Variants in LTN1 observed in about 807,000 individuals in gnomAD.
LTN1 encodes E3 ubiquitin-protein ligase listerin.
LTN1 carries 88 observed loss-of-function variants against 201.2 expected under a neutral mutation model. That is an observed-to-expected ratio of 0.44 (90% confidence interval 0.37 to 0.52). LTN1 has a LOEUF of 0.52. Among genes scored for constraint, LTN1 ranks in the 20% least tolerant of loss-of-function variants. The pLI is 0.00. For missense variants in LTN1, 1,752 were observed against 2,038.7 expected (o/e 0.86, Z 2.71); for synonymous variants, 645 against 713.5 (o/e 0.90, Z 1.53).
At chr21:28,956,677 AT>A in intron 16 of LTN1, 84 bp downstream of exon 16, 1 of 660,644 alleles carries the variant, frequency 1.5e-6, no homozygotes, top group South Asian at 4.7e-5. Flanking sequence ...TGAATTAAAG[AT>A]TTAAACTGCA....
At chr21:28,936,451 T>A (rs2084257544) in intron 26 of LTN1, 75 bp downstream of exon 26, 1 of 1,249,616 alleles carries the variant, frequency 8.0e-7, no homozygotes, top group Non-Finnish European at 1.1e-6. Flanking sequence ...TTCTCCACAT[T>A]CTCAGGGAAA....
chr21:28,982,400 T>TA, intron 4 of LTN1, 32 bp from the exon 5 acceptor site: 1 of 1,558,336 alleles, frequency 6.4e-7, no homozygotes, highest in Non-Finnish European at 8.9e-7. Flanking sequence ...AAGCCTTTGG[T>TA]TTTACTGAAC....
Position 28,967,048 on chromosome 21 carries a change from G to T in LTN1, c.1443C>A (p.His481Gln), listed in dbSNP as rs1431199118. 23 of 1,614,074 alleles carry T rather than the reference G, an allele frequency of 1.4e-5. No homozygotes were observed. The highest frequency in any genetic ancestry group is 1.9e-5 in the Non-Finnish European group (22 of 1,180,010). Residue 481 changes from histidine to glutamine, a missense_variant, in exon 10 of 30, where the codon CAC becomes CAA. Transcript: ENST00000361371. ...ADTEKDEKTA[H>Q]NLENVLIHFW... ...AATGTATCAGTACGTTCTCCAAGTT[G>T]TGAGCTGTTTTTTCATCTTTTTCCG...
chr21:28,965,778 A>G (rs1458897346), intron 11 of LTN1, 87 bp downstream of exon 11: 1 of 726,022 alleles, frequency 1.4e-6, no homozygotes, highest in Admixed American at 3.3e-5. Flanking sequence ...CTATCTGACC[A>G]TATTTATTGT....
intron 6 of LTN1, among the ~76,000 whole-genome samples, chr21:28,975,770 G>A (rs1308360971): frequency 1.3e-5 from 2 of 152,202 alleles, no homozygotes; most frequent in Non-Finnish European, 2.9e-5. Flanking sequence ...CACATTGCTG[G>A]TAGGAGTACT....
chr21:28,982,457 T>A lies in LTN1; in HGVS notation c.577-89A>T, dbSNP rs537173372. ...GCCTAGTTAAATAAAATCCACTTTT[T>A]AAAAATCCCCATAAACATCATCTTA... On this transcript the variant is annotated intron_variant, in intron 4 of 29. Transcript: ENST00000361371. The A allele has an allele frequency of 3.2e-5, 31 of 959,106 alleles. No individual in the cohort carries two copies. The South Asian group carries it at 4.2e-4, about 13-fold the overall frequency. The allele number at this position is 959,106 out of a possible 1,614,324, so 59.4% of individuals were successfully genotyped here.
intron 9 of LTN1, among the ~76,000 whole-genome samples, chr21:28,968,213 G>T (rs80226310): frequency 0.016 from 2,483 of 152,068 alleles, 77 homozygotes; most frequent in African/African-American, 0.057. Flanking sequence ...TGATAAAATT[G>T]ACTGGGATTC....
chr21:28,970,126 T>C (rs1287357481), intron 8 of LTN1, among the ~76,000 whole-genome samples: 1 of 152,228 alleles, frequency 6.6e-6, no homozygotes, highest in Non-Finnish European at 1.5e-5. Context: ...CTGAAACAGT[T>C]TTTTTAAGTG....
chr21:28,936,848 CA>C (rs2084261066), intron 25 of LTN1, 151 bp from the exon 26 acceptor site: 5 of 642,172 alleles, frequency 7.8e-6, no homozygotes, highest in Non-Finnish European at 1.4e-5. Context: ...ATATCTTTCT[CA>C]AATTGTCTTC....
At chr21:28,955,385 A>G (rs1429015916) in intron 16 of LTN1, among the ~76,000 whole-genome samples, 1 of 149,656 alleles carries the variant, frequency 6.7e-6, no homozygotes, top group Non-Finnish European at 1.5e-5. Context: ...AATGCAAATT[A>G]GTACAGCCAT....
At chr21:28,949,341 T>C (rs2084365225) in intron 18 of LTN1, among the ~76,000 whole-genome samples, 1 of 152,162 alleles carries the variant, frequency 6.6e-6, no homozygotes, top group African/African-American at 2.4e-5. Flanking sequence ...AAATACTATA[T>C]AAAAAATTTT....
intron 18 of LTN1, 61 bp from the exon 19 acceptor site, chr21:28,947,667 ATTTC>A: frequency 2.0e-6 from 2 of 1,019,368 alleles, no homozygotes; most frequent in Non-Finnish European, 2.7e-6. Context: ...TATTTTATAT[ATTTC>A]TTTTATTTAG....
chr21:28,946,668 A>G (rs1267424534), intron 19 of LTN1, among the ~76,000 whole-genome samples: 4 of 152,232 alleles, frequency 2.6e-5, no homozygotes, highest in Non-Finnish European at 5.9e-5. Flanking sequence ...AATAGAACAT[A>G]CTGTTTCATA....
chr21:28,974,700 G>A (rs904024602), intron 6 of LTN1, among the ~76,000 whole-genome samples: 25 of 152,166 alleles, frequency 1.6e-4, no homozygotes, highest in African/African-American at 5.5e-4. Context: ...ACTCTAGAAA[G>A]GAGAGGGCCA....
intron 1 of LTN1, among the ~76,000 whole-genome samples, chr21:28,991,459 T>G (rs1391986332): frequency 6.6e-6 from 1 of 152,176 alleles, no homozygotes; most frequent in African/African-American, 2.4e-5. Flanking sequence ...AGAAGATACA[T>G]GCTGATGTAT....
In LTN1 at chr21:28,943,263, A is replaced by C. The variant is rs1167096330; in HGVS notation, c.4294T>G (p.Leu1432Val). The change falls in exon 24 of 30, where the codon TTG (leucine) becomes GTG (valine). Residue 1432 changes from leucine to valine, a missense_variant and splice_region_variant. Leu to Val is a conservative substitution (Grantham distance 32). Transcript: ENST00000361371. ...ACAAATTATTTAAAAAAACCTTACA[A>C]GGCTGGCTCTTCTTCTTCATCTCCG... is the stretch of plus-strand genomic sequence containing the variant. Reference protein sequence around the residue: ...SYGDEEEEPALSPPAALMSLL... With the variant: ...SYGDEEEEPAVSPPAALMSLL... 2 of 1,587,378 alleles carry C rather than the reference A, an allele frequency of 1.3e-6. No individual in the cohort carries two copies. Among genetic ancestry groups the C allele is most frequent in the Admixed American group, 3.4e-5 (2 of 58,758 alleles).
chr21:28,942,578 C>T (rs965849934), intron 24 of LTN1, among the ~76,000 whole-genome samples: 3 of 152,240 alleles, frequency 2.0e-5, no homozygotes, highest in South Asian at 2.1e-4. Flanking sequence ...TAAAACTATA[C>T]ATTAAGTGGT....
At chr21:28,942,674 C>G (rs1288019250) in intron 24 of LTN1, among the ~76,000 whole-genome samples, 1 of 152,112 alleles carries the variant, frequency 6.6e-6, no homozygotes, top group East Asian at 1.9e-4. Context: ...TGTTGTCTTT[C>G]CTGTCCTGCA....
In LTN1 at chr21:28,966,405, T is replaced by G. The variant is rs773418278; in HGVS notation, c.2086A>C (p.Met696Leu). The change falls in exon 10 of 30, where the codon ATG (methionine) becomes CTG (leucine). Residue 696 changes from methionine (M) to leucine (L), a missense_variant. By Grantham distance (15) the Met-to-Leu change is conservative (BLOSUM62 2). Around this residue, in one of 3 missense-constraint regions of LTN1, gnomAD observed 1,211 missense variants for 1,312.8 expected, o/e 0.92. Transcript: ENST00000361371. ...YSALRCCDNDMERKKVLDDLT... is the reference protein window; with the variant it reads ...YSALRCCDNDLERKKVLDDLT... ...TCATCCAAGACTTTTTTTCTTTCCA[T>G]ATCATTGTCACAGCACCGGAGAGCA... 3.7e-6 allele frequency: 6 copies of G among 1,611,254 alleles called. No homozygotes were observed. The highest frequency in any genetic ancestry group is 5.1e-6 in the Non-Finnish European group (6 of 1,179,338).
Sources: allele counts gnomAD v4.1 joint callset (sites outside exome capture counted in the v4.1 genomes callset), GRCh38; gene constraint gnomAD v4.1.1; regional missense constraint gnomAD v4.1.1; transcripts MANE v1.5; gene names NCBI Gene and HGNC (gene_info 2026-07-23, HGNC 2026-07-21).